LRRC4C: variants seen among roughly 807,000 people sequenced by gnomAD.
LRRC4C encodes leucine rich repeat containing 4C, also known as leucine-rich repeat-containing protein 4C.
Under a neutral mutation model 33.6 loss-of-function variants are expected in LRRC4C, and 5 were observed. The observed-to-expected ratio is 0.15, with a 90% CI of 0.08 to 0.31. The LOEUF (loss-of-function observed/expected upper bound fraction) is 0.31, where lower values mean the gene tolerates loss of function less well. Among genes scored for constraint, LRRC4C ranks in the 10% least tolerant of loss-of-function variants. LRRC4C has a pLI of 1.00. For missense variants in LRRC4C, 560 were observed against 796.7 expected, an observed-to-expected ratio of 0.70 and a Z score of 3.58; for synonymous variants, 329 against 302.0, an observed-to-expected ratio of 1.09 and a Z score of -0.93.
chr11:41,298,266 A>T (rs1268235381), intron 1 of LRRC4C, among the ~76,000 whole-genome samples: 1 of 152,156 alleles, frequency 6.6e-6, no homozygotes, highest in Non-Finnish European at 1.5e-5. Flanking sequence ...CAGAAGAAAG[A>T]GATAAAAGAA....
At chr11:41,261,892 T>C (rs543216428) in intron 1 of LRRC4C, among the ~76,000 whole-genome samples, 1 of 152,148 alleles carries the variant, frequency 6.6e-6, no homozygotes, top group Non-Finnish European at 1.5e-5. Context: ...ACTCAAATTT[T>C]AACCAAAACT....
chr11:40,784,572 T>C (rs2137308118), intron 2 of LRRC4C, among the ~76,000 whole-genome samples: 1 of 152,360 alleles, frequency 6.6e-6, no homozygotes, highest in South Asian at 2.1e-4. Context: ...AAGTCATTGA[T>C]GCCTCACAAA....
chr11:40,238,648 T>C (rs1865729956), intron 5 of LRRC4C, among the ~76,000 whole-genome samples: 1 of 152,200 alleles, frequency 6.6e-6, no homozygotes, highest in South Asian at 2.1e-4. Context: ...TAAATTCACC[T>C]AAGTTAGAGA....
At chr11:40,586,288 G>A (rs1354016786) in intron 3 of LRRC4C, among the ~76,000 whole-genome samples, 3 of 151,188 alleles carry the variant, frequency 2.0e-5, no homozygotes, top group Non-Finnish European at 4.4e-5. Flanking sequence ...AGAAGCGTCT[G>A]TTCATGTCCT....
At chr11:41,155,702 CT>C (rs1944200240) in intron 1 of LRRC4C, among the ~76,000 whole-genome samples, 1 of 152,092 alleles carries the variant, frequency 6.6e-6, no homozygotes, top group African/African-American at 2.4e-5. Flanking sequence ...CGTATAGATA[CT>C]TTTGGTTTTG....
chr11:40,652,248 A>G (rs1009385649), intron 2 of LRRC4C, among the ~76,000 whole-genome samples: 1 of 152,190 alleles, frequency 6.6e-6, no homozygotes, highest in Non-Finnish European at 1.5e-5. Flanking sequence ...TGCTTTTCAT[A>G]GATATCTAGG....
At chr11:41,106,267 A>G (rs1001493835) in intron 1 of LRRC4C, among the ~76,000 whole-genome samples, 1 of 147,984 alleles carries the variant, frequency 6.8e-6, no homozygotes, top group African/African-American at 2.5e-5. Context: ...GTGTGTGTGT[A>G]GAAAAGTGGA....
intron 1 of LRRC4C, among the ~76,000 whole-genome samples, chr11:41,221,513 A>G (rs1947304188): frequency 6.6e-6 from 1 of 152,276 alleles, no homozygotes; most frequent in Admixed American, 6.5e-5. Flanking sequence ...AGACATAAAG[A>G]CATAAATACC....
intron 2 of LRRC4C, among the ~76,000 whole-genome samples, chr11:40,687,082 T>C (rs887639151): frequency 2.6e-5 from 4 of 152,128 alleles, no homozygotes; most frequent in African/African-American, 4.8e-5. Flanking sequence ...TGGATGCTAA[T>C]TGAAATAATC....
chr11:40,278,882 T>C, intron 4 of LRRC4C, among the ~76,000 whole-genome samples: 1 of 152,138 alleles, frequency 6.6e-6, no homozygotes, highest in Middle Eastern at 3.2e-3. Flanking sequence ...TCTACTCCCT[T>C]ACCTTAAAGC....
intron 1 of LRRC4C, among the ~76,000 whole-genome samples, chr11:41,445,971 G>A (rs1229014310): frequency 6.6e-6 from 1 of 151,426 alleles, no homozygotes; most frequent in African/African-American, 2.4e-5. Context: ...TAATCATTTA[G>A]ATGACATTAC....
chr11:41,107,420 C>A (rs956305786), intron 1 of LRRC4C, among the ~76,000 whole-genome samples: 2 of 151,952 alleles, frequency 1.3e-5, no homozygotes, highest in African/African-American at 4.8e-5. Flanking sequence ...AATAATATAT[C>A]CTGAAATATA....
intron 3 of LRRC4C, among the ~76,000 whole-genome samples, chr11:40,468,234 A>G (rs1014489168): frequency 6.6e-5 from 10 of 152,234 alleles, no homozygotes; most frequent in Non-Finnish European, 1.0e-4. Flanking sequence ...ACATATATTG[A>G]AAGAGAATTT....
chr11:40,630,615 CA>C (rs1963406491), intron 3 of LRRC4C, among the ~76,000 whole-genome samples: 1 of 152,108 alleles, frequency 6.6e-6, no homozygotes, highest in South Asian at 2.1e-4. Context: ...TGAGTTTATA[CA>C]ACTCAAAAGT....
At chr11:41,410,677 T>C (rs1202063053) in intron 1 of LRRC4C, among the ~76,000 whole-genome samples, 1 of 152,058 alleles carries the variant, frequency 6.6e-6, no homozygotes, top group African/African-American at 2.4e-5. Flanking sequence ...CCTGACCTCG[T>C]GATCCACCCG....
chr11:41,434,341 T>C (rs1354333599), intron 1 of LRRC4C, among the ~76,000 whole-genome samples: 2 of 152,180 alleles, frequency 1.3e-5, no homozygotes, highest in African/African-American at 4.8e-5. Context: ...GATAATTTTT[T>C]TTTTAAGAAA....
chr11:40,203,643 A>G (rs1862928918), intron 5 of LRRC4C, among the ~76,000 whole-genome samples: 1 of 152,208 alleles, frequency 6.6e-6, no homozygotes, highest in South Asian at 2.1e-4. Flanking sequence ...AATTCTACAA[A>G]CAGAAAAGGG....
intron 1 of LRRC4C, among the ~76,000 whole-genome samples, chr11:41,445,886 G>C (rs1269923196): frequency 6.6e-6 from 1 of 151,918 alleles, no homozygotes; most frequent in Non-Finnish European, 1.5e-5. Context: ...GTGTGTGTGT[G>C]TGTGTACGTG....
At chr11:40,869,759 C>T (rs1228224907) in intron 2 of LRRC4C, among the ~76,000 whole-genome samples, 3 of 152,240 alleles carry the variant, frequency 2.0e-5, no homozygotes, top group Non-Finnish European at 2.9e-5. Context: ...AGTTTGCCGA[C>T]GTATAAAACC....
Sources: allele counts gnomAD v4.1 joint callset (sites outside exome capture counted in the v4.1 genomes callset), GRCh38; gene constraint gnomAD v4.1.1; transcripts MANE v1.5; gene names NCBI Gene and HGNC (gene_info 2026-07-23, HGNC 2026-07-21).